The following USF2 variants were observed in gnomAD, a reference collection of about 807,000 sequenced individuals.
USF2 encodes upstream stimulatory factor 2.
Under a neutral mutation model 46.9 loss-of-function variants are expected in USF2, and 16 were observed. That is an observed-to-expected ratio of 0.34 (90% confidence interval 0.23 to 0.52). USF2 has a LOEUF of 0.52. USF2 is among the 20% of genes least tolerant of loss of function. The probability of loss-of-function intolerance (pLI) is 0.96; values close to 1 mark genes in which losing one functional copy is unlikely to be tolerated. For synonymous variants in USF2, 239 were observed against 194.1 expected, an observed-to-expected ratio of 1.23 and a Z score of -1.92; for missense variants, 411 against 474.0, an observed-to-expected ratio of 0.87 and a Z score of 1.23.
At chr19:35,273,127 A>G (rs1375940620) in intron 7 of USF2, among the ~76,000 whole-genome samples, 2 of 151,788 alleles carry the variant, frequency 1.3e-5, no homozygotes, top group Non-Finnish European at 2.9e-5. Context: ...CCTGTGAAGC[A>G]GTCTTCATCA....
At chr19:35,270,043 T>A in intron 4 of USF2, 40 bp downstream of exon 4, 1 of 1,325,442 alleles carries the variant, frequency 7.5e-7, no homozygotes, top group Non-Finnish European at 9.6e-7. Context: ...GGGGAGGGAG[T>A]GGAGAGGGGA....
chr19:35,271,420 TC>T (rs2066154969), intron 7 of USF2, among the ~76,000 whole-genome samples: 1 of 152,096 alleles, frequency 6.6e-6, no homozygotes, highest in Non-Finnish European at 1.5e-5. Flanking sequence ...GACTTCACAC[TC>T]CCATACGGAT....
At chr19:35,270,210 T>C (rs2066130252) in intron 4 of USF2, 18 of 852,806 alleles carry the variant, frequency 2.1e-5, no homozygotes, top group Non-Finnish European at 2.9e-5. Context: ...AAAATGGGAA[T>C]GATGTGTCTT....
chr19:35,269,662 T>C lies in USF2; in HGVS notation c.191T>C (p.Ile64Thr). Reference protein sequence around the residue: ...VQQAAFGDHNIQYQFRTETNG... With the variant: ...VQQAAFGDHNTQYQFRTETNG... ...CAGGCGGCGTTCGGCGACCACAACA[T>C]CCAGTACCAGTTCCGCACAGAGACA... Residue 64 changes from isoleucine to threonine, a missense_variant, in exon 3 of 10, where the codon ATC becomes ACC. By Grantham distance (89) the Ile-to-Thr change is moderately conservative. Transcript: ENST00000222305. 1 of 1,471,268 alleles carries C rather than the reference T, an allele frequency of 6.8e-7. No homozygotes were observed. Among genetic ancestry groups the C allele is most frequent in the African/African-American group, 1.6e-5 (1 of 63,566 alleles). The allele number at this position is 1,471,268 out of a possible 1,614,324, so 91.1% of individuals were successfully genotyped here. A position where few individuals can be genotyped will look rare whatever the true frequency, so the allele number is the denominator to read the frequency against.
chr19:35,279,238 C>T lies in USF2; in HGVS notation c.1023C>T (p.Gly341=), dbSNP rs576504123. 108 of 1,548,976 alleles carry T rather than the reference C, an allele frequency of 7.0e-5. No individual in the cohort carries two copies. The highest frequency in any genetic ancestry group is 2.0e-4 in the African/African-American group (15 of 73,240). Residue 341 remains glycine (G), a synonymous_variant, in exon 10 of 10, where the codon GGC becomes GGT. Coordinates refer to ENST00000222305, the MANE Select transcript of USF2 (RefSeq NM_003367.4). ...QLQQHNLEMV[G]EGTRQ The stretch of plus-strand genomic sequence containing the variant: ...AGCAGCACAACCTGGAGATGGTGGG[C>T]GAGGGCACCCGGCAGTGACGCCCGC...
chr19:35,271,803 G>T (rs1296274046), intron 7 of USF2, among the ~76,000 whole-genome samples: 1 of 152,234 alleles, frequency 6.6e-6, no homozygotes, highest in Non-Finnish European at 1.5e-5. Context: ...GGGCTGAGCG[G>T]CACAGGCCCT....
At chr19:35,270,343 C>G (rs1017528862) in intron 4 of USF2, 104 bp from the exon 5 acceptor site, 4 of 1,497,380 alleles carry the variant, frequency 2.7e-6, no homozygotes, top group African/African-American at 1.4e-5. Context: ...AGTCCCCACT[C>G]CTGTTAATTG....
chr19:35,277,857 G>C (rs956284646), intron 7 of USF2: 1 of 152,298 alleles, frequency 6.6e-6, no homozygotes, highest in Non-Finnish European at 1.5e-5. Context: ...AGGCTCCGCA[G>C]CACACAGTCC....
At position 35,271,068 on chromosome 19, in the gene USF2, TTCC is replaced by T; in HGVS notation, c.669-9_669-7del. 6 of 1,613,786 alleles carry T rather than the reference TTCC, an allele frequency of 3.7e-6. No individual in the cohort carries two copies. In the East Asian group the frequency reaches 8.9e-5, roughly 24 times the overall value. ...GCGATAATACATGCCCCCTTTTTTT[TTCC>T]TCCTCTTGTAGAAAAATTGATGGAA... On this transcript the variant is annotated splice_polypyrimidine_tract_variant and intron_variant, in intron 6 of 9. Coordinates refer to ENST00000222305, the MANE Select transcript of USF2 (RefSeq NM_003367.4).
intron 7 of USF2, chr19:35,278,475 A>G: frequency 1.9e-6 from 1 of 515,758 alleles, no homozygotes. Context: ...CCCGTCCTAA[A>G]AGCATGTGTG....
intron 7 of USF2, among the ~76,000 whole-genome samples, chr19:35,272,145 G>T (rs2066165875): frequency 6.6e-6 from 1 of 152,166 alleles, no homozygotes; most frequent in African/African-American, 2.4e-5. Flanking sequence ...CGTTCATTCA[G>T]CGCGTGCATA....
rs1373461771 is a variant in USF2, at chr19:35,269,441, G to A, written c.63-5G>A. The A allele has an allele frequency of 1.3e-6, 2 of 1,525,882 alleles. No homozygotes were observed. The highest frequency in any genetic ancestry group is 2.9e-5 in the African/African-American group (2 of 69,378). 94.5% of individuals were successfully genotyped at this position (1,525,882 alleles called of 1,614,324 possible). On this transcript the variant is annotated splice_polypyrimidine_tract_variant and splice_region_variant and intron_variant, in intron 1 of 9. Coordinates refer to ENST00000222305, the MANE Select transcript of USF2 (RefSeq NM_003367.4). ...TGACCCTGCTCCCTCCTGTGCCCCT[G>A]GCAGCCACGACAAGGGACCCGAGGC...
chr19:35,270,931 C>A, intron 6 of USF2, 126 bp downstream of exon 6: 1 of 1,432,284 alleles, frequency 7.0e-7, no homozygotes, highest in Non-Finnish European at 9.7e-7. Context: ...TTGCCTGTTT[C>A]TGCTGCTCTA....
At position 35,279,697 on chromosome 19, in the gene USF2, C is replaced by T; in HGVS notation, c.*441C>T. 1 of 187,820 alleles carries T rather than the reference C, an allele frequency of 5.3e-6. No homozygotes were observed. The highest frequency in any genetic ancestry group is 1.1e-5 in the Non-Finnish European group (1 of 92,070). 11.6% of individuals were successfully genotyped at this position (187,820 alleles called of 1,614,324 possible). The stretch of plus-strand genomic sequence containing the variant: ...CCCACCCCACCTCTTGTTTCTGGGT[C>T]CCTGCTCCCCTTTGGGGGTGTGTGT... On this transcript the variant is annotated 3_prime_UTR_variant, in exon 10 of 10. Coordinates refer to ENST00000222305, the MANE Select transcript of USF2 (RefSeq NM_003367.4).
Position 35,279,251 on chromosome 19 carries a change from C to T in USF2, c.1036C>T (p.Gln346Ter). The T allele has an allele frequency of 1.3e-6, 2 of 1,524,484 alleles. No individual in the cohort carries two copies. The allele number at this position is 1,524,484 out of a possible 1,614,324, so 94.4% of individuals were successfully genotyped here. The change falls in exon 10 of 10, where the codon CAG becomes TAG. Residue 346 changes from glutamine to a stop codon, truncating the protein, a stop_gained. Transcript: ENST00000222305. LOFTEE classifies it high-confidence loss of function. ...NLEMVGEGTR[Q>*] is the part of the protein sequence containing the mutation. ...GGAGATGGTGGGCGAGGGCACCCGGCAGTGACGCCCGCCACCACCACGCAG... is the reference window on the plus strand; with the variant it reads ...GGAGATGGTGGGCGAGGGCACCCGGTAGTGACGCCCGCCACCACCACGCAG...
chr19:35,270,470 C>T lies in USF2; in HGVS notation c.453C>T (p.Ser151=), dbSNP rs368496403. The change falls in exon 5 of 10, where the codon AGC becomes AGT. Residue 151 remains serine, a synonymous_variant. Coordinates refer to ENST00000222305, the MANE Select transcript of USF2 (RefSeq NM_003367.4). ...FPLAVIQNPF[S]NGGSPAAEAV... ...AGGCTGTGATCCAAAATCCCTTCAG[C>T]AATGGTGGCAGTCCGGCGGCCGAGG... 16 of 1,613,638 alleles carry T rather than the reference C, an allele frequency of 9.9e-6. No homozygotes were observed. The highest frequency in any genetic ancestry group is 1.7e-5 in the Admixed American group (1 of 60,004).
intron 5 of USF2, 29 bp downstream of exon 5, chr19:35,270,626 G>C (rs369306560): frequency 4.3e-6 from 7 of 1,611,622 alleles, no homozygotes; most frequent in East Asian, 2.2e-5. Flanking sequence ...ATTGGCAGGT[G>C]GGGGAGGCAA....
chr19:35,277,679 A>G (rs1167539000), intron 7 of USF2: 1 of 152,260 alleles, frequency 6.6e-6, no homozygotes, highest in African/African-American at 2.4e-5. Context: ...GTTCCCCTCC[A>G]CAAATGGTGC....
At chr19:35,269,750 A>G in intron 3 of USF2, 51 bp downstream of exon 3, 1 of 1,473,222 alleles carries the variant, frequency 6.8e-7, no homozygotes, top group Non-Finnish European at 9.0e-7. Flanking sequence ...GCGCGCCGGG[A>G]AGGCTCGGAC....
Sources: gnomAD v4.1 joint callset for allele counts (sites outside exome capture counted in the v4.1 genomes callset) on GRCh38, gnomAD v4.1.1 for gene constraint, MANE v1.5 for transcripts, NCBI Gene and HGNC (gene_info 2026-07-23, HGNC 2026-07-21) for gene names.